SUPT7L: variants seen among roughly 807,000 people sequenced by gnomAD.
SUPT7L encodes SPT7 like, STAGA complex subunit gamma, also known as STAGA complex 65 subunit gamma.
In SUPT7L, 15 loss-of-function variants were observed where a neutral mutation model predicts 35.7. The observed-to-expected ratio is 0.42, with a 90% CI of 0.28 to 0.65. The LOEUF is 0.65. Ranked by LOEUF, SUPT7L falls within the 30% of genes least tolerant of loss-of-function variation. SUPT7L has a pLI of 0.23. For synonymous variants in SUPT7L, 168 were observed against 186.2 expected, an observed-to-expected ratio of 0.90 and a Z score of 0.79; for missense variants, 434 against 522.2, an observed-to-expected ratio of 0.83 and a Z score of 1.65.
chr2:27,661,847 C>T, intron 2 of SUPT7L: 1 of 415,068 alleles, frequency 2.4e-6, no homozygotes, highest in Non-Finnish European at 4.4e-6. Context: ...TGTGCTGGAT[C>T]AATAGGAGAA....
chr2:27,653,326 G>C lies in SUPT7L; in HGVS notation c.*159C>G. On this transcript the variant is annotated 3_prime_UTR_variant, in exon 6 of 6. Coordinates refer to ENST00000337768, the MANE Select transcript of SUPT7L (RefSeq NM_014860.3). ...TAAAAACTGGATGCAAAAGTAAAAT[G>C]CAACCTTGTTTGGTGACGTCCAGTT... The C allele has an allele frequency of 1.9e-6, 2 of 1,060,206 alleles. No homozygotes were observed. The highest frequency in any genetic ancestry group is 2.7e-6 in the Non-Finnish European group (2 of 751,530). The allele number at this position is 1,060,206 out of a possible 1,614,324, so 65.7% of individuals were successfully genotyped here.
At chr2:27,642,648 C>A in the SUPT7L span, 3 of 602,186 alleles carry the variant, frequency 5.0e-6, no homozygotes, top group East Asian at 9.5e-5. Flanking sequence ...ACCACAACCT[C>A]CACCTCCCAG....
chr2:27,646,285 G>T (rs867486871), downstream of SUPT7L, among the ~76,000 whole-genome samples: 2 of 152,042 alleles, frequency 1.3e-5, no homozygotes, highest in African/African-American at 4.8e-5. Flanking sequence ...CAGGTGATCT[G>T]CCCATTTCAG....
At chr2:27,645,053 G>A in the SUPT7L span, among the ~76,000 whole-genome samples, 2 of 151,846 alleles carry the variant, frequency 1.3e-5, no homozygotes, top group Non-Finnish European at 2.9e-5. Flanking sequence ...CTGCAGCCTC[G>A]AACTACTGGG....
At chr2:27,642,958 TACACACAC>T in the SUPT7L span, among the ~76,000 whole-genome samples, 861 of 122,662 alleles carry the variant, frequency 7.0e-3, 4 homozygotes, top group Admixed American at 9.5e-3. Flanking sequence ...TATATATATA[TACACACAC>T]ACACACACAC....
At chr2:27,662,326 A>G in intron 1 of SUPT7L, 45 bp from the exon 2 acceptor site, 1 of 1,018,908 alleles carries the variant, frequency 9.8e-7, no homozygotes, top group Non-Finnish European at 1.5e-6. Flanking sequence ...TCAATATGAA[A>G]CATGGTAAGT....
chr2:27,643,772 G>GT, the SUPT7L span, among the ~76,000 whole-genome samples: 33 of 152,244 alleles, frequency 2.2e-4, no homozygotes, highest in South Asian at 6.2e-3. The surrounding 1 kb of genome is among the most constrained non-coding windows in gnomAD (Gnocchi z 4.0). Context: ...TTTGAATTGT[G>GT]TTTTTTCAAG....
chr2:27,642,952 T>TACACACACACACACACACACAC, the SUPT7L span, among the ~76,000 whole-genome samples: 1 of 38,058 alleles, frequency 2.6e-5, no homozygotes, highest in Admixed American at 4.4e-4. Context: ...TTTATATATA[T>TACACACACACACACACACACAC]ATATATACAC....
chr2:27,659,135 G>A (rs1674936089), intron 3 of SUPT7L, among the ~76,000 whole-genome samples: 1 of 152,130 alleles, frequency 6.6e-6, no homozygotes, highest in Non-Finnish European at 1.5e-5. Context: ...TTTGAGTTGG[G>A]CGTGTCTATG....
chr2:27,654,088 AGTT>A (rs1674684294), intron 5 of SUPT7L, among the ~76,000 whole-genome samples: 1 of 152,120 alleles, frequency 6.6e-6, no homozygotes, highest in African/African-American at 2.4e-5. Flanking sequence ...GGACTTGTTC[AGTT>A]GTTTAGTTTG....
chr2:27,652,995 G>A lies in SUPT7L; in HGVS notation c.*490C>T, dbSNP rs897511098. Reference sequence around the variant, plus strand: ...GGTGTGTTGTGTTTAGCTATTTCCTGTTAGGTATTAGTAATGGGTTCCCAA... The same window carrying A: ...GGTGTGTTGTGTTTAGCTATTTCCTATTAGGTATTAGTAATGGGTTCCCAA... On this transcript the variant is annotated 3_prime_UTR_variant, in exon 6 of 6. Coordinates refer to ENST00000337768, the MANE Select transcript of SUPT7L (RefSeq NM_014860.3). The A allele has an allele frequency of 6.2e-6, 1 of 160,494 alleles. No individual in the cohort carries two copies. Among genetic ancestry groups the A allele is most frequent in the Admixed American group, 5.8e-5 (1 of 17,254 alleles). 9.9% of individuals were successfully genotyped at this position (160,494 alleles called of 1,614,324 possible). A position where few individuals can be genotyped will look rare whatever the true frequency, so the allele number is the denominator to read the frequency against.
the SUPT7L span, among the ~76,000 whole-genome samples, chr2:27,643,197 A>T: frequency 7.3e-4 from 106 of 144,460 alleles, no homozygotes; most frequent in East Asian, 5.8e-3. This position sits in a 1 kb window ranked among gnomAD's most constrained non-coding sequence, Gnocchi z 4.0. Context: ...ATTAAAAAAA[A>T]TTTTTTTTTT....
Position 27,661,405 on chromosome 2 carries a change from A to C in SUPT7L, c.15-17T>G. The C allele has an allele frequency of 6.2e-7, 1 of 1,612,922 alleles. No homozygotes were observed. The highest frequency in any genetic ancestry group is 8.5e-7 in the Non-Finnish European group (1 of 1,179,746). ...CCCCAGTATCTCAACATTTTGGAAT[A>C]AGAAGAGAAGAGGTCTCAGGATAAA... On this transcript the variant is annotated splice_polypyrimidine_tract_variant and intron_variant, in intron 2 of 5. Transcript: ENST00000337768.
chr2:27,662,787 G>A (rs1223417185), intron 1 of SUPT7L, among the ~76,000 whole-genome samples: 1 of 151,904 alleles, frequency 6.6e-6, no homozygotes, highest in African/African-American at 2.4e-5. Flanking sequence ...TTTTTTGTTT[G>A]TTTCTTTTTT....
chr2:27,648,031 A>G, downstream of SUPT7L: 1 of 736,376 alleles, frequency 1.4e-6, no homozygotes, highest in Non-Finnish European at 2.4e-6. Flanking sequence ...TTAAGCGTGT[A>G]GCCAGTAATA....
At chr2:27,647,961 T>C (rs760117292), downstream of SUPT7L, 1 of 1,410,832 alleles carries the variant, frequency 7.1e-7, no homozygotes. Context: ...GTGGCTGAGG[T>C]GGCCCGTGGC....
downstream of SUPT7L, chr2:27,650,689 A>T (rs1365322559): frequency 1.3e-5 from 2 of 153,498 alleles, no homozygotes; most frequent in African/African-American, 4.8e-5. Context: ...ACGGTGGCAG[A>T]GTCTCCTTGG....
chr2:27,656,637 CTT>C (rs113039227), intron 4 of SUPT7L, among the ~76,000 whole-genome samples: 3 of 143,084 alleles, frequency 2.1e-5, no homozygotes, highest in African/African-American at 2.5e-5. Context: ...TCTGTGTTCT[CTT>C]TTTTTTTTTT....
chr2:27,660,915 T>G, intron 3 of SUPT7L, 69 bp downstream of exon 3: 1 of 1,507,990 alleles, frequency 6.6e-7, no homozygotes, highest in Non-Finnish European at 8.9e-7. Flanking sequence ...GGAAATGCTA[T>G]TATAGGCTTA....
Sources: allele counts gnomAD v4.1 joint callset (sites outside exome capture counted in the v4.1 genomes callset), GRCh38; gene constraint gnomAD v4.1.1; non-coding constraint Gnocchi (gnomAD v3.1); transcripts MANE v1.5; gene names NCBI Gene and HGNC (gene_info 2026-07-23, HGNC 2026-07-21).